Variants in PWWP2A observed in about 807,000 individuals in gnomAD.
PWWP2A encodes the protein PWWP domain containing 2A.
Under a neutral mutation model 48.5 loss-of-function variants are expected in PWWP2A, and 18 were observed. That is an observed-to-expected ratio of 0.37 (90% CI 0.26 to 0.55). The LOEUF (loss-of-function observed/expected upper bound fraction) is 0.55, where lower values mean the gene tolerates loss of function less well. Among genes scored for constraint, PWWP2A ranks in the 20% least tolerant of loss-of-function variants. PWWP2A has a pLI of 0.81. For synonymous variants in PWWP2A, 396 were observed against 387.7 expected (o/e 1.02, Z -0.25); for missense variants, 867 against 976.4 (o/e 0.89, Z 1.49).
chr5:160,101,918 T>G (rs1756345589), intron 1 of PWWP2A, among the ~76,000 whole-genome samples: 1 of 151,836 alleles, frequency 6.6e-6, no homozygotes, highest in Non-Finnish European at 1.5e-5. Flanking sequence ...GAGACCAGCC[T>G]GGCCAACATG....
chr5:160,119,443 C>T lies in PWWP2A; in HGVS notation c.-55G>A, dbSNP rs1362526582. 6 of 1,352,252 alleles carry T rather than the reference C, an allele frequency of 4.4e-6. No homozygotes were observed. The highest frequency in any genetic ancestry group is 5.7e-6 in the Non-Finnish European group (6 of 1,058,462). The allele number at this position is 1,352,252 out of a possible 1,614,324, so 83.8% of individuals were successfully genotyped here. The stretch of plus-strand genomic sequence containing the variant: ...CCGGCTGCAGCGGCGGCGGCGACAG[C>T]GCTGCTTGGTTCCCTGGGCCTTCCC... On this transcript the variant is annotated 5_prime_UTR_variant, in exon 1 of 2. Transcript: ENST00000307063.
rs1248517929 is a variant in PWWP2A, at chr5:160,093,338, T to C, written c.1312A>G (p.Lys438Glu). The change falls in exon 2 of 2, where the codon AAG (lysine) becomes GAG (glutamate). Residue 438 changes from lysine to glutamate, a missense_variant. Transcript: ENST00000307063. This position sits in a 1 kb window ranked among gnomAD's most constrained non-coding sequence, Gnocchi z 5.8. ...GTTTCATTTTGCTTCTTTTGTGCCT[T>C]TTCTTTGGCAATTTTTAACACTTCC... Reference protein sequence around the residue: ...AREVLKIAKEKAQKKQNETST... With the variant: ...AREVLKIAKEEAQKKQNETST... 7 of 1,613,914 alleles carry C rather than the reference T, an allele frequency of 4.3e-6. No individual in the cohort carries two copies. The highest frequency in any genetic ancestry group is 5.9e-6 in the Non-Finnish European group (7 of 1,179,828).
downstream of PWWP2A, chr5:160,090,629 C>G: frequency 1.0e-6 from 1 of 983,996 alleles, no homozygotes. Flanking sequence ...CAAAAATTCG[C>G]AATCAGTCAA....
chr5:160,064,938 T>C (rs1304260921), intron 4 of PWWP2A: 1 of 1,606,922 alleles, frequency 6.2e-7, no homozygotes, highest in Non-Finnish European at 8.5e-7. Context: ...ACAGGTAAAT[T>C]AAAAGATCTT....
the PWWP2A span, among the ~76,000 whole-genome samples, chr5:160,045,722 G>A: frequency 6.6e-6 from 1 of 151,784 alleles, no homozygotes; most frequent in Non-Finnish European, 1.5e-5. Flanking sequence ...ACCACACCCA[G>A]CTAACTTTTT....
At chr5:160,089,681 T>G, downstream of PWWP2A, 1 of 1,281,092 alleles carries the variant, frequency 7.8e-7, no homozygotes, top group South Asian at 1.3e-5. Flanking sequence ...AAAGACATTC[T>G]TAGCTTTCAC....
chr5:160,055,843 G>A, the PWWP2A span, among the ~76,000 whole-genome samples: 10 of 152,216 alleles, frequency 6.6e-5, no homozygotes, highest in African/African-American at 2.2e-4. Flanking sequence ...TCTTTGTGTT[G>A]TAGCTGCAGC....
chr5:160,087,696 A>C (rs146481620), downstream of PWWP2A, among the ~76,000 whole-genome samples: 304 of 152,326 alleles, frequency 2.0e-3, no homozygotes, highest in African/African-American at 6.8e-3. Flanking sequence ...TAAGATGATA[A>C]ATTTTACATC....
chr5:160,119,221 C>A lies in PWWP2A; in HGVS notation c.168G>T (p.Gly56=). The change falls in exon 1 of 2, where the codon GGG becomes GGT. Residue 56 remains glycine (G), a synonymous_variant. Coordinates refer to ENST00000307063, the MANE Select transcript of PWWP2A (RefSeq NM_001130864.2). The part of the protein sequence containing the change: ...EASVPDGETD[G]QQSAPQADEP... ...CGTCGGCCTGAGGAGCGGATTGCTG[C>A]CCGTCAGTCTCGCCATCCGGCACAG... is the stretch of plus-strand genomic sequence containing the variant. 6.9e-7 allele frequency: 1 copy of A among 1,440,974 alleles called. No individual in the cohort carries two copies. The highest frequency in any genetic ancestry group is 3.1e-5 in the Admixed American group (1 of 32,402). The allele number at this position is 1,440,974 out of a possible 1,614,324, so 89.3% of individuals were successfully genotyped here. A position where few individuals can be genotyped will look rare whatever the true frequency, so the allele number is the denominator to read the frequency against.
At chr5:160,090,482 T>C, downstream of PWWP2A, 1 of 979,628 alleles carries the variant, frequency 1.0e-6, no homozygotes. Context: ...TTCAAAGAAT[T>C]TTTTTTTTAA....
chr5:160,099,322 C>T (rs1286012081), intron 1 of PWWP2A, among the ~76,000 whole-genome samples: 2 of 152,168 alleles, frequency 1.3e-5, no homozygotes, highest in African/African-American at 2.4e-5. Flanking sequence ...CATGTGTTAA[C>T]GTATTAGTGA....
the PWWP2A span, among the ~76,000 whole-genome samples, chr5:160,054,185 A>G: frequency 6.6e-6 from 1 of 152,200 alleles, no homozygotes; most frequent in South Asian, 2.1e-4. Context: ...TGTGTGGTTG[A>G]TAGTGTGATG....
At chr5:160,110,840 T>G in intron 1 of PWWP2A, among the ~76,000 whole-genome samples, 1 of 150,836 alleles carries the variant, frequency 6.6e-6, no homozygotes. Context: ...GAAACCAGCC[T>G]GGCCAACATG....
In PWWP2A at chr5:160,091,990, ATGTG is replaced by A; in HGVS notation, c.*388_*391del. 14 of 674,908 alleles carry A rather than the reference ATGTG, an allele frequency of 2.1e-5. No homozygotes were observed. Among genetic ancestry groups the A allele is most frequent in the South Asian group, 6.7e-5 (1 of 14,914 alleles). The allele number at this position is 674,908 out of a possible 1,614,324, so 41.8% of individuals were successfully genotyped here. A position where few individuals can be genotyped will look rare whatever the true frequency, so the allele number is the denominator to read the frequency against. On this transcript the variant is annotated 3_prime_UTR_variant, in exon 2 of 2. Coordinates refer to ENST00000307063, the MANE Select transcript of PWWP2A (RefSeq NM_001130864.2). ...TATATATGTGTATATATACATATAT[ATGTG>A]TGTATATATACATACACGGATATAT...
Position 160,094,014 on chromosome 5 carries a change from C to T in PWWP2A, c.636G>A (p.Lys212=), listed in dbSNP as rs758930738. 2.6e-5 allele frequency: 42 copies of T among 1,613,748 alleles called. No homozygotes were observed. The highest frequency in any genetic ancestry group is 3.3e-5 in the Non-Finnish European group (39 of 1,179,832). The change falls in exon 2 of 2, where the codon AAG becomes AAA. Residue 212 remains lysine, a synonymous_variant. Transcript: ENST00000307063. The part of the protein sequence containing the change: ...PVTVFPKREY[K]DKPEAMPLQS... ...GGAGCGGCATGGCTTCTGGTTTATC[C>T]TTATATTCCCTTTTGGGAAATACTG... is the stretch of plus-strand genomic sequence containing the variant.
the PWWP2A span, among the ~76,000 whole-genome samples, chr5:160,055,595 C>T: frequency 6.6e-6 from 1 of 152,252 alleles, no homozygotes; most frequent in Admixed American, 6.5e-5. Context: ...GGCCCTACCC[C>T]AGACCTACTG....
the PWWP2A span, among the ~76,000 whole-genome samples, chr5:160,051,619 T>A: frequency 2.6e-5 from 4 of 152,228 alleles, no homozygotes; most frequent in African/African-American, 9.6e-5. Flanking sequence ...GTCCCTTTAG[T>A]GTTTGAGAAC....
the PWWP2A span, among the ~76,000 whole-genome samples, chr5:160,045,407 A>G: frequency 6.6e-6 from 1 of 151,066 alleles, no homozygotes; most frequent in Admixed American, 6.6e-5. Flanking sequence ...TTACATTTAT[A>G]TCAATATGGT....
downstream of PWWP2A, among the ~76,000 whole-genome samples, chr5:160,086,358 A>G (rs1399908598): frequency 6.6e-6 from 1 of 151,868 alleles, no homozygotes; most frequent in African/African-American, 2.4e-5. Context: ...GTCTCTATAA[A>G]TAATTTTTTA....
Sources: gnomAD v4.1 joint callset for allele counts (sites outside exome capture counted in the v4.1 genomes callset) on GRCh38, gnomAD v4.1.1 for gene constraint, Gnocchi (gnomAD v3.1) non-coding constraint, MANE v1.5 for transcripts, NCBI Gene and HGNC (gene_info 2026-07-23, HGNC 2026-07-21) for gene names.